FOSL2: variants seen among roughly 807,000 people sequenced by gnomAD.
FOSL2 encodes FOS like 2, AP-1 transcription factor subunit.
A neutral mutation model predicts 27.7 loss-of-function variants in FOSL2; 3 were observed. That is an observed-to-expected ratio of 0.11 (90% CI 0.05 to 0.28). The LOEUF is 0.28. Ranked by LOEUF, FOSL2 falls within the 10% of genes least tolerant of loss-of-function variation. The pLI is 1.00. For missense variants in FOSL2, 333 were observed against 445.1 expected (o/e 0.75, Z 2.27); for synonymous variants, 179 against 190.1 (o/e 0.94, Z 0.48).
At chr2:28,394,911 C>G (rs1663779516) in intron 1 of FOSL2, among the ~76,000 whole-genome samples, 1 of 152,190 alleles carries the variant, frequency 6.6e-6, no homozygotes, top group African/African-American at 2.4e-5. Context: ...TGGCCTTGGC[C>G]TCTAGAAGGG....
At position 28,412,454 on chromosome 2, in the gene FOSL2, T is replaced by G. The variant is rs780871670; in HGVS notation, c.*6T>G. 1.3e-6 allele frequency: 2 copies of G among 1,595,424 alleles called. No homozygotes were observed. The highest frequency in any genetic ancestry group is 1.7e-6 in the Non-Finnish European group (2 of 1,176,718). On this transcript the variant is annotated 3_prime_UTR_variant, in exon 4 of 4. Transcript: ENST00000264716. This position sits in a 1 kb window ranked among gnomAD's most constrained non-coding sequence, Gnocchi z 7.1. ...CCACTCTGCTGGCTCTGTAACCCAGTGCACCTCCCTCCCCAGCTCCGGAGG... is the reference window on the plus strand; with the variant it reads ...CCACTCTGCTGGCTCTGTAACCCAGGGCACCTCCCTCCCCAGCTCCGGAGG...
rs962708351 is a variant in FOSL2, at chr2:28,394,260, C to T, written c.102+438C>T. ...CTATTCCTTCAGGAAAGCCCTCTCTCTCTCCTCCCCGTTCTCCATCAGTCA... is the reference window on the plus strand; with the variant it reads ...CTATTCCTTCAGGAAAGCCCTCTCTTTCTCCTCCCCGTTCTCCATCAGTCA... On this transcript the variant is annotated intron_variant, in intron 1 of 3. Transcript: ENST00000264716. Among the ~76,000 whole-genome samples the T allele has an allele frequency of 5.3e-5, 8 of 151,968 alleles. No individual in the cohort carries two copies. In the East Asian group the frequency reaches 1.6e-3, roughly 30 times the overall value.
At chr2:28,403,555 G>A (rs910469988) in intron 1 of FOSL2, among the ~76,000 whole-genome samples, 1 of 152,198 alleles carries the variant, frequency 6.6e-6, no homozygotes, top group Admixed American at 6.5e-5. Flanking sequence ...ACCTGGCTGT[G>A]CCCTGATGGA....
At position 28,399,408 on chromosome 2, in the gene FOSL2, C is replaced by A. The variant is rs1047011882; in HGVS notation, c.103-4699C>A. ...ATAGAGTCTCAGGAGGCAGTTTTCC[C>A]AAATCAGCAACTGTTGTGGGGGGAA... On this transcript the variant is annotated intron_variant, in intron 1 of 3. Coordinates refer to ENST00000264716, the MANE Select transcript of FOSL2 (RefSeq NM_005253.4). 2.0e-5 allele frequency among the ~76,000 whole-genome samples: 3 copies of A among 152,164 alleles called. No individual in the cohort carries two copies. In the South Asian group the frequency reaches 6.2e-4, roughly 32 times the overall value.
intron 1 of FOSL2, among the ~76,000 whole-genome samples, chr2:28,399,475 T>C (rs1162277819): frequency 1.3e-5 from 2 of 152,086 alleles, no homozygotes; most frequent in Non-Finnish European, 2.9e-5. Flanking sequence ...AGAGGGTCCG[T>C]GTTTTCGGCC....
Position 28,413,982 on chromosome 2 carries a change from G to T in FOSL2, c.*1534G>T. 1 of 396,840 alleles carries T rather than the reference G, an allele frequency of 2.5e-6. No homozygotes were observed. The highest frequency in any genetic ancestry group is 4.4e-6 in the Non-Finnish European group (1 of 225,504). The allele number at this position is 396,840 out of a possible 1,614,324, so 24.6% of individuals were successfully genotyped here. On this transcript the variant is annotated 3_prime_UTR_variant, in exon 4 of 4. Transcript: ENST00000264716. The stretch of plus-strand genomic sequence containing the variant: ...AGGAGCACAGCTCAGCAGGGTCCCT[G>T]CTGCCCACCCCTCTGAGCCTTTTCT...
intron 2 of FOSL2, among the ~76,000 whole-genome samples, chr2:28,407,701 G>A (rs891149583): frequency 2.0e-5 from 3 of 152,234 alleles, no homozygotes; most frequent in Non-Finnish European, 4.4e-5. Context: ...TAGTAGGTGT[G>A]CAGTCAACGT....
rs1664121526 is a variant in FOSL2, at chr2:28,408,143, G to A, written c.355-616G>A. The stretch of plus-strand genomic sequence containing the variant: ...GTGGGGGAGTACCTGGGGTTGAACC[G>A]TGAGCAGCTGGCACCCTGGGATTGG... On this transcript the variant is annotated intron_variant, in intron 2 of 3. Coordinates refer to ENST00000264716, the MANE Select transcript of FOSL2 (RefSeq NM_005253.4). This position sits in a 1 kb window ranked among gnomAD's most constrained non-coding sequence, Gnocchi z 4.1. Among the ~76,000 whole-genome samples, 1 of 152,176 alleles carries A rather than the reference G, an allele frequency of 6.6e-6. No individual in the cohort carries two copies. Among genetic ancestry groups the A allele is most frequent in the Admixed American group, 6.5e-5 (1 of 15,278 alleles).
chr2:28,405,435 C>T (rs114514332), intron 2 of FOSL2, among the ~76,000 whole-genome samples: 2 of 152,290 alleles, frequency 1.3e-5, no homozygotes, highest in African/African-American at 4.8e-5. Context: ...GAATTGTTAT[C>T]CTGGGAAACT....
Position 28,408,770 on chromosome 2 carries a change from AGAG to A in FOSL2, c.373_375del (p.Glu125del). 1.2e-6 allele frequency: 2 copies of A among 1,609,994 alleles called. No homozygotes were observed. Among genetic ancestry groups the A allele is most frequent in the Non-Finnish European group, 1.7e-6 (2 of 1,177,728 alleles). On this transcript the variant is annotated inframe_deletion, in exon 3 of 4. Coordinates refer to ENST00000264716, the MANE Select transcript of FOSL2 (RefSeq NM_005253.4). The surrounding 1 kb of genome is among the most constrained non-coding windows in gnomAD (Gnocchi z 4.1). Reference sequence around the variant, plus strand: ...GCTTTGGCCTCTAGCTGTCTCCTGAAGAGGAGGAGAAGCGTCGCATCCGGCGGG... The same window carrying A: ...GCTTTGGCCTCTAGCTGTCTCCTGAAGAGGAGAAGCGTCGCATCCGGCGGG...
chr2:28,416,095 A>G lies in FOSL2; in HGVS notation c.*3647A>G, dbSNP rs1402018932. 2 of 152,100 alleles carry G rather than the reference A, an allele frequency of 1.3e-5. No homozygotes were observed. The highest frequency in any genetic ancestry group is 2.9e-5 in the Non-Finnish European group (2 of 68,038). The allele number at this position is 152,100 out of a possible 1,614,324, so 9.4% of individuals were successfully genotyped here. On this transcript the variant is annotated 3_prime_UTR_variant, in exon 4 of 4. Transcript: ENST00000264716. Reference sequence around the variant, plus strand: ...TGTTTTGGCATTCATATTAAAAGCCAGCATCTCACTATTTATTGACAGGTT... The same window carrying G: ...TGTTTTGGCATTCATATTAAAAGCCGGCATCTCACTATTTATTGACAGGTT...
At chr2:28,396,971 T>C (rs1228244217) in intron 1 of FOSL2, 1 of 152,092 alleles carries the variant, frequency 6.6e-6, no homozygotes, top group African/African-American at 2.4e-5. Flanking sequence ...CTACGGGAAA[T>C]TTTTAGGAAA....
chr2:28,407,821 A>G (rs1389673674), intron 2 of FOSL2, among the ~76,000 whole-genome samples: 1 of 152,220 alleles, frequency 6.6e-6, no homozygotes, highest in Non-Finnish European at 1.5e-5. Context: ...ACAGCTCTGC[A>G]GGGCTCTGTA....
At chr2:28,399,661 G>A (rs1222197206) in intron 1 of FOSL2, among the ~76,000 whole-genome samples, 2 of 152,166 alleles carry the variant, frequency 1.3e-5, no homozygotes, top group South Asian at 2.1e-4. Context: ...GTGAGAGCCC[G>A]TCTCCTCGGC....
intron 2 of FOSL2, among the ~76,000 whole-genome samples, chr2:28,407,666 A>T (rs748167253): frequency 6.6e-6 from 1 of 152,180 alleles, no homozygotes; most frequent in Non-Finnish European, 1.5e-5. Flanking sequence ...AGATCTTCTA[A>T]GCTCCTAGTG....
intron 1 of FOSL2, among the ~76,000 whole-genome samples, chr2:28,399,020 G>A (rs375545379): frequency 6.6e-6 from 1 of 152,286 alleles, no homozygotes; most frequent in African/African-American, 2.4e-5. Context: ...TAGGATGTTG[G>A]AATTGTCCCT....
intron 1 of FOSL2, among the ~76,000 whole-genome samples, chr2:28,399,707 T>C (rs1299555731): frequency 6.6e-6 from 1 of 152,190 alleles, no homozygotes; most frequent in African/African-American, 2.4e-5. Flanking sequence ...TTCTGACTTT[T>C]TGCTTTCTTA....
chr2:28,397,223 A>C (rs35387193), intron 1 of FOSL2: 3 of 151,164 alleles, frequency 2.0e-5, no homozygotes, highest in African/African-American at 4.9e-5. Flanking sequence ...ATAAAAAATA[A>C]AAATAAAAAA....
chr2:28,395,172 G>A (rs1663788245), intron 1 of FOSL2, among the ~76,000 whole-genome samples: 1 of 152,216 alleles, frequency 6.6e-6, no homozygotes, highest in Non-Finnish European at 1.5e-5. Flanking sequence ...AAGGTGATGA[G>A]TTTAAAATCC....
Sources: gnomAD v4.1 joint callset for allele counts (sites outside exome capture counted in the v4.1 genomes callset) on GRCh38, gnomAD v4.1.1 for gene constraint, Gnocchi (gnomAD v3.1) non-coding constraint, MANE v1.5 for transcripts, NCBI Gene and HGNC (gene_info 2026-07-23, HGNC 2026-07-21) for gene names.